The following PTPN5 variants were observed in gnomAD, a reference collection of about 807,000 sequenced individuals.
The protein encoded by PTPN5 is tyrosine-protein phosphatase non-receptor type 5.
In PTPN5, 29 loss-of-function variants were observed where a neutral mutation model predicts 73.9. The ratio of observed to expected loss-of-function variants is 0.39; its 90% CI spans 0.29 to 0.54. The LOEUF (loss-of-function observed/expected upper bound fraction) is 0.54. PTPN5 is among the 20% of genes least tolerant of loss of function. The pLI is 0.65. For missense variants in PTPN5, 652 were observed against 751.4 expected, an observed-to-expected ratio of 0.87 and a Z score of 1.55; for synonymous variants, 267 against 304.7, an observed-to-expected ratio of 0.88 and a Z score of 1.29.
chr11:18,731,248 A>G (rs998673558), intron 12 of PTPN5, among the ~76,000 whole-genome samples: 3 of 149,658 alleles, frequency 2.0e-5, no homozygotes, highest in African/African-American at 7.3e-5. Context: ...ATATATACAT[A>G]CATATATGAT....
chr11:18,770,929 G>C (rs1252946905), intron 2 of PTPN5, among the ~76,000 whole-genome samples: 2 of 152,080 alleles, frequency 1.3e-5, no homozygotes, highest in Admixed American at 6.6e-5. Flanking sequence ...CCCTCTGCCT[G>C]GGGGGTAGAG....
intron 1 of PTPN5, among the ~76,000 whole-genome samples, chr11:18,785,002 C>T (rs1441002153): frequency 3.3e-5 from 5 of 151,936 alleles, no homozygotes; most frequent in South Asian, 2.1e-4. Context: ...TGCAGGTGTG[C>T]GCCACCATGC....
chr11:18,740,204 A>T (rs1204564246), intron 8 of PTPN5, among the ~76,000 whole-genome samples: 1 of 152,106 alleles, frequency 6.6e-6, no homozygotes, highest in Non-Finnish European at 1.5e-5. Context: ...GGAGGCCACT[A>T]GAGAGATTTC....
chr11:18,743,640 A>G (rs1050201752), intron 4 of PTPN5: 22 of 599,178 alleles, frequency 3.7e-5, no homozygotes, highest in African/African-American at 3.5e-4. Flanking sequence ...AAGGGAACCA[A>G]GAGAAAGCCC....
At chr11:18,745,186 A>T (rs1393667010) in intron 3 of PTPN5, among the ~76,000 whole-genome samples, 1 of 152,232 alleles carries the variant, frequency 6.6e-6, no homozygotes, top group Non-Finnish European at 1.5e-5. Flanking sequence ...TCAAGAAAAG[A>T]GGGACCAAAA....
At chr11:18,771,670 AG>A (rs1850907001) in intron 2 of PTPN5, among the ~76,000 whole-genome samples, 1 of 152,202 alleles carries the variant, frequency 6.6e-6, no homozygotes, top group African/African-American at 2.4e-5. Flanking sequence ...TGGTAGCTTT[AG>A]GGGCTCTAGG....
In PTPN5 at chr11:18,733,535, C is replaced by T. The variant is rs755364820; in HGVS notation, c.1080+21G>A. Reference sequence around the variant, plus strand: ...TCAGGCCTCCCCTTGAGCAAGAGGCCGTCAGGGTGGGAATACGTACCCGGA... The same window carrying T: ...TCAGGCCTCCCCTTGAGCAAGAGGCTGTCAGGGTGGGAATACGTACCCGGA... On this transcript the variant is annotated intron_variant, in intron 10 of 14. Transcript: ENST00000358540. The surrounding 1 kb of genome is among the most constrained non-coding windows in gnomAD (Gnocchi z 4.3). The T allele has an allele frequency of 8.9e-5, 144 of 1,613,690 alleles. No individual in the cohort carries two copies. The highest frequency in any genetic ancestry group is 1.2e-4 in the Non-Finnish European group (142 of 1,179,746).
Position 18,733,633 on chromosome 11 carries a change from G to C in PTPN5, c.1003C>G (p.Pro335Ala). 6.2e-7 allele frequency: 1 copy of C among 1,614,190 alleles called. No individual in the cohort carries two copies. Among genetic ancestry groups the C allele is most frequent in the Non-Finnish European group, 8.5e-7 (1 of 1,180,002 alleles). The change falls in exon 10 of 15, where the codon CCT becomes GCT. Residue 335 changes from proline to alanine, a missense_variant and splice_region_variant. By Grantham distance (27) the Pro-to-Ala change is conservative. Coordinates refer to ENST00000358540, the MANE Select transcript of PTPN5 (RefSeq NM_006906.2). The surrounding 1 kb of genome is among the most constrained non-coding windows in gnomAD (Gnocchi z 4.3). The stretch of plus-strand genomic sequence containing the variant: ...GAGGTCAGACACACTCTGCTGTGAG[G>C]GTCTGGGGTGGTGGGAGACAAGTAA... ...KNRYKTILPN[P>A]HSRVCLTSPD...
intron 3 of PTPN5, among the ~76,000 whole-genome samples, chr11:18,762,125 C>T (rs762571767): frequency 1.1e-4 from 16 of 152,076 alleles, no homozygotes; most frequent in Non-Finnish European, 1.6e-4. Flanking sequence ...GACGTTTCCA[C>T]CAAGAAAGCT....
Position 18,746,170 on chromosome 11 carries a change from T to TAC in PTPN5, c.98-1972_98-1971insGT, listed in dbSNP as rs1564901228. Among the ~76,000 whole-genome samples, 4 of 100,240 alleles carry TAC rather than the reference T, an allele frequency of 4.0e-5. 1 individual carries two copies. The highest frequency in any genetic ancestry group is 9.4e-5 in the Non-Finnish European group (4 of 42,382). The allele number at this position is 100,240 out of a possible 152,430, so 65.8% of individuals were successfully genotyped here. A position where few individuals can be genotyped will look rare whatever the true frequency, so the allele number is the denominator to read the frequency against. ...AAGCTGTTATAAATATAAATATATATATATATATATATATATATATATACA... is the reference window on the plus strand; with the variant it reads ...AAGCTGTTATAAATATAAATATATATACATATATATATATATATATATATACA... On this transcript the variant is annotated intron_variant, in intron 3 of 14. Coordinates refer to ENST00000358540, the MANE Select transcript of PTPN5 (RefSeq NM_006906.2).
In PTPN5 at chr11:18,744,051, G is replaced by C. The variant is rs1564898731; in HGVS notation, c.246C>G (p.Leu82=). The C allele has an allele frequency of 1.9e-6, 3 of 1,609,884 alleles. No homozygotes were observed. The highest frequency in any genetic ancestry group is 1.7e-6 in the Non-Finnish European group (2 of 1,178,138). The change falls in exon 4 of 15, where the codon CTC becomes CTG. Residue 82 remains leucine (L), a synonymous_variant. Transcript: ENST00000358540. ...ACAGGCACAGGCTGCTCCTGACAGT[G>C]AGGGAGTGGCTCCCAGCGCCTCGAG... ...PPPRGAGSHS[L]TVRSSLCLFA... is the part of the protein sequence containing the mutation.
chr11:18,790,797 T>A (rs1377671258), intron 1 of PTPN5, among the ~76,000 whole-genome samples: 3 of 152,100 alleles, frequency 2.0e-5, no homozygotes, highest in African/African-American at 7.2e-5. Context: ...TAATGAAAGC[T>A]TTACCACTAA....
chr11:18,738,755 C>G (rs1486871345), intron 8 of PTPN5, among the ~76,000 whole-genome samples: 2 of 152,066 alleles, frequency 1.3e-5, no homozygotes, highest in Non-Finnish European at 2.9e-5. Context: ...AGGCGGATCA[C>G]AAAGTCAGGA....
At chr11:18,735,448 G>A (rs1280477158) in intron 9 of PTPN5, among the ~76,000 whole-genome samples, 4 of 152,244 alleles carry the variant, frequency 2.6e-5, no homozygotes, top group African/African-American at 9.6e-5. Flanking sequence ...CGTGCACAGT[G>A]CAGGGTAGGG....
rs188213985 is a variant in PTPN5 at position 18,749,732 on chromosome 11, G to A, written c.98-5533C>T. Among the ~76,000 whole-genome samples the A allele has an allele frequency of 1.7e-3, 254 of 152,168 alleles. 1 individual carries two copies. Among genetic ancestry groups the A allele is most frequent in the Admixed American group, 0.013 (204 of 15,292 alleles). On this transcript the variant is annotated intron_variant, in intron 3 of 14. Coordinates refer to ENST00000358540, the MANE Select transcript of PTPN5 (RefSeq NM_006906.2). The stretch of plus-strand genomic sequence containing the variant: ...CGCTATGATCCCTCTCCTGTCACCC[G>A]GCTCCCAAATCCCACCATTGAACTC...
rs892988064 is a variant in PTPN5, at chr11:18,728,081, T to C, written c.*853A>G. 1.3e-5 allele frequency: 2 copies of C among 152,302 alleles called. No individual in the cohort carries two copies. The highest frequency in any genetic ancestry group is 6.6e-5 in the Admixed American group (1 of 15,246). 9.4% of individuals were successfully genotyped at this position (152,302 alleles called of 1,614,324 possible). A position where few individuals can be genotyped will look rare whatever the true frequency, so the allele number is the denominator to read the frequency against. ...CAAGATAATACATGTTGCCAAAGAG[T>C]CATGCATGCCCTCCTGATGGGCTCT... On this transcript the variant is annotated 3_prime_UTR_variant, in exon 15 of 15. Coordinates refer to ENST00000358540, the MANE Select transcript of PTPN5 (RefSeq NM_006906.2). This position sits in a 1 kb window ranked among gnomAD's most constrained non-coding sequence, Gnocchi z 4.1.
At chr11:18,754,696 C>T (rs1205213649) in intron 3 of PTPN5, among the ~76,000 whole-genome samples, 1 of 152,086 alleles carries the variant, frequency 6.6e-6, no homozygotes. Context: ...ATACGAAGAC[C>T]TCCCCCTACA....
At position 18,733,968 on chromosome 11, in the gene PTPN5, G is replaced by A. The variant is rs540368390; in HGVS notation, c.1001-333C>T. 8.5e-5 allele frequency among the ~76,000 whole-genome samples: 13 copies of A among 152,318 alleles called. No individual in the cohort carries two copies. Among genetic ancestry groups the A allele is most frequent in the African/African-American group, 2.9e-4 (12 of 41,574 alleles). On this transcript the variant is annotated intron_variant, in intron 9 of 14. Coordinates refer to ENST00000358540, the MANE Select transcript of PTPN5 (RefSeq NM_006906.2). The surrounding 1 kb of genome is among the most constrained non-coding windows in gnomAD (Gnocchi z 4.3). ...AATGGAATTACCTAGGGAAATTCCT[G>A]TACAGATCTTGTTCAGCAAGAGACA...
intron 3 of PTPN5, among the ~76,000 whole-genome samples, chr11:18,745,642 C>T (rs994060236): frequency 6.6e-6 from 1 of 152,140 alleles, no homozygotes; most frequent in Non-Finnish European, 1.5e-5. Flanking sequence ...CATACGAGCA[C>T]CCCATGCCTC....
Sources: allele counts gnomAD v4.1 joint callset (sites outside exome capture counted in the v4.1 genomes callset), GRCh38; gene constraint gnomAD v4.1.1; non-coding constraint Gnocchi (gnomAD v3.1); transcripts MANE v1.5; gene names NCBI Gene and HGNC (gene_info 2026-07-23, HGNC 2026-07-21).